PTPN9: variants seen among roughly 807,000 people sequenced by gnomAD.
PTPN9 encodes protein tyrosine phosphatase non-receptor type 9, also known as tyrosine-protein phosphatase non-receptor type 9.
PTPN9 carries 26 observed loss-of-function variants against 69.8 expected under a neutral mutation model. The ratio of observed to expected loss-of-function variants is 0.37; its 90% CI spans 0.27 to 0.52. PTPN9 has a LOEUF of 0.52. Among genes scored for constraint, PTPN9 ranks in the 20% least tolerant of loss-of-function variants. The probability of loss-of-function intolerance (pLI) is 0.91; values close to 1 mark genes in which losing one functional copy is unlikely to be tolerated. For missense variants in PTPN9, 549 were observed against 740.3 expected (o/e 0.74, Z 3.00); for synonymous variants, 274 against 272.5 (o/e 1.01, Z -0.05).
intron 1 of PTPN9, among the ~76,000 whole-genome samples, chr15:75,564,317 A>G (rs1466183724): frequency 4.6e-5 from 7 of 152,160 alleles, no homozygotes; most frequent in East Asian, 3.9e-4. Flanking sequence ...CACATTGGCC[A>G]GGTGCGGTGG....
At chr15:75,473,372 C>T (rs1182422048) in intron 10 of PTPN9, among the ~76,000 whole-genome samples, 1 of 152,142 alleles carries the variant, frequency 6.6e-6, no homozygotes, top group Non-Finnish European at 1.5e-5. Flanking sequence ...GCCTCAGCCT[C>T]CCAAGTAGCT....
chr15:75,565,015 T>G (rs1176750783), intron 1 of PTPN9, among the ~76,000 whole-genome samples: 3 of 150,684 alleles, frequency 2.0e-5, no homozygotes, highest in Non-Finnish European at 4.4e-5. Context: ...GCAGGAGAAC[T>G]GCTTGAACCC....
intron 1 of PTPN9, among the ~76,000 whole-genome samples, chr15:75,567,307 C>G (rs995454594): frequency 6.6e-6 from 1 of 151,976 alleles, no homozygotes; most frequent in Non-Finnish European, 1.5e-5. Context: ...CGTGAGTCAC[C>G]GCGCCCAGCC....
intron 2 of PTPN9, 112 bp downstream of exon 2, chr15:75,527,006 A>C: frequency 7.3e-7 from 1 of 1,362,428 alleles, no homozygotes; most frequent in Non-Finnish European, 1.0e-6. Context: ...TCCATTTTTT[A>C]TGAAAGTGAG....
intron 8 of PTPN9, among the ~76,000 whole-genome samples, chr15:75,485,083 A>G (rs1019237071): frequency 5.3e-5 from 8 of 152,164 alleles, no homozygotes; most frequent in Non-Finnish European, 1.2e-4. Context: ...ACCCTGACTC[A>G]GACAACTTCA....
chr15:75,575,583 A>T (rs918517464), intron 1 of PTPN9, among the ~76,000 whole-genome samples: 8 of 152,290 alleles, frequency 5.3e-5, no homozygotes, highest in Middle Eastern at 3.4e-3. Flanking sequence ...TAAGGCTAAC[A>T]CTTATGTACT....
intron 1 of PTPN9, among the ~76,000 whole-genome samples, chr15:75,571,174 T>C (rs1300130388): frequency 6.6e-6 from 1 of 151,274 alleles, no homozygotes; most frequent in Non-Finnish European, 1.5e-5. Flanking sequence ...GCAGGAGAAT[T>C]GCTTGAACCC....
At chr15:75,471,690 G>A (rs1439253431) in intron 10 of PTPN9, among the ~76,000 whole-genome samples, 3 of 151,242 alleles carry the variant, frequency 2.0e-5, no homozygotes, top group Non-Finnish European at 2.9e-5. Context: ...CCAAGGTGGC[G>A]GATCACCTGA....
chr15:75,513,014 A>C, intron 5 of PTPN9: 1 of 401,618 alleles, frequency 2.5e-6, no homozygotes, highest in Non-Finnish European at 4.9e-6. Context: ...TAATCCCTTG[A>C]GGAAAGGTTT....
chr15:75,473,657 T>A, intron 10 of PTPN9, 32 bp downstream of exon 10: 1 of 1,498,650 alleles, frequency 6.7e-7, no homozygotes, highest in Non-Finnish European at 9.3e-7. Context: ...AGAGTGGAGG[T>A]GGAGACCTTT....
chr15:75,552,589 T>C (rs959806885), intron 1 of PTPN9, among the ~76,000 whole-genome samples: 1 of 151,852 alleles, frequency 6.6e-6, no homozygotes, highest in African/African-American at 2.4e-5. Flanking sequence ...TCTAGGCTAA[T>C]GTAAGTGCTC....
chr15:75,556,879 T>C (rs1285072431), intron 1 of PTPN9, among the ~76,000 whole-genome samples: 1 of 152,158 alleles, frequency 6.6e-6, no homozygotes, highest in Admixed American at 6.5e-5. Context: ...CCACAGCCTC[T>C]GGTATTCTAC....
chr15:75,503,328 A>C (rs2074785363), intron 7 of PTPN9, among the ~76,000 whole-genome samples: 2 of 126,144 alleles, frequency 1.6e-5, no homozygotes, highest in Non-Finnish European at 3.3e-5. Context: ...CCCGGTCGCG[A>C]CCCCGTCTGG....
chr15:75,528,435 T>G (rs2074940551), intron 1 of PTPN9, among the ~76,000 whole-genome samples: 1 of 152,098 alleles, frequency 6.6e-6, no homozygotes, highest in African/African-American at 2.4e-5. Flanking sequence ...CAGGCTGGAA[T>G]GTAGTGGCAC....
intron 1 of PTPN9, among the ~76,000 whole-genome samples, chr15:75,538,794 A>C (rs867098222): frequency 1.3e-5 from 2 of 152,324 alleles, no homozygotes; most frequent in Non-Finnish European, 2.9e-5. Context: ...GTAAGCAAAA[A>C]GTATTATAGG....
chr15:75,468,989 G>A lies in PTPN9; in HGVS notation c.1568-6C>T. On this transcript the variant is annotated splice_region_variant and splice_polypyrimidine_tract_variant and intron_variant, in intron 12 of 12. Transcript: ENST00000618819. ...GTCCAGTGAGCAGAAGGTACCTGAA[G>A]AAGGAAGGAAGTGATCACATCTGGT... 1 of 1,605,464 alleles carries A rather than the reference G, an allele frequency of 6.2e-7. No individual in the cohort carries two copies. Among genetic ancestry groups the A allele is most frequent in the Middle Eastern group, 1.7e-4 (1 of 6,042 alleles).
chr15:75,517,205 AT>A, intron 5 of PTPN9, 53 bp downstream of exon 5: 11 of 1,306,736 alleles, frequency 8.4e-6, no homozygotes, highest in African/African-American at 1.5e-5. Context: ...AATTAAAAAA[AT>A]ATATATATCC....
rs2074536573 is a variant in PTPN9, at chr15:75,466,370, G to C, written c.*2399C>G. ...CTGGGCAGGCCATCAACAGCCAACA[G>C]GTATGATATGGGGAGTGGTCTTCCA... On this transcript the variant is annotated 3_prime_UTR_variant, in exon 13 of 13. Transcript: ENST00000618819. 2 of 152,206 alleles carry C rather than the reference G, an allele frequency of 1.3e-5. No individual in the cohort carries two copies. Among genetic ancestry groups the C allele is most frequent in the African/African-American group, 4.8e-5 (2 of 41,448 alleles). 9.4% of individuals were successfully genotyped at this position (152,206 alleles called of 1,614,324 possible). A position where few individuals can be genotyped will look rare whatever the true frequency, so the allele number is the denominator to read the frequency against.
chr15:75,539,895 T>C (rs1440978558), intron 1 of PTPN9, among the ~76,000 whole-genome samples: 4 of 152,114 alleles, frequency 2.6e-5, no homozygotes, highest in African/African-American at 9.7e-5. Flanking sequence ...GGTCTCGAAC[T>C]CCTGGCCTCA....
Sources: allele counts gnomAD v4.1 joint callset (sites outside exome capture counted in the v4.1 genomes callset), GRCh38; gene constraint gnomAD v4.1.1; transcripts MANE v1.5; gene names NCBI Gene and HGNC (gene_info 2026-07-23, HGNC 2026-07-21).